ZCCHC17: variants seen among roughly 807,000 people sequenced by gnomAD.
The protein encoded by ZCCHC17 is zinc finger CCHC domain-containing protein 17.
ZCCHC17 carries 18 observed loss-of-function variants against 30.6 expected under a neutral mutation model. That is an observed-to-expected ratio of 0.59 (90% confidence interval 0.41 to 0.87). ZCCHC17 has a LOEUF of 0.87. ZCCHC17 is among the 40% of genes least tolerant of loss of function. The probability of loss-of-function intolerance (pLI) is 0.00; values close to 1 mark genes in which losing one functional copy is unlikely to be tolerated. For missense variants in ZCCHC17, 263 were observed against 284.2 expected, an observed-to-expected ratio of 0.93 and a Z score of 0.54; for synonymous variants, 88 against 92.4, an observed-to-expected ratio of 0.95 and a Z score of 0.27.
At chr1:31,362,350 GCTCT>G (rs1322694276) in intron 7 of ZCCHC17, among the ~76,000 whole-genome samples, 1 of 152,158 alleles carries the variant, frequency 6.6e-6, no homozygotes, top group Non-Finnish European at 1.5e-5. Flanking sequence ...ATCCTTTTCT[GCTCT>G]CTTTCTCCTC....
At chr1:31,352,678 C>A (rs1378667818) in intron 7 of ZCCHC17, among the ~76,000 whole-genome samples, 3 of 152,108 alleles carry the variant, frequency 2.0e-5, no homozygotes, top group Non-Finnish European at 4.4e-5. Flanking sequence ...AACTCCTGGC[C>A]TCAAGCAGTC....
chr1:31,322,849 G>C (rs1646891855), intron 3 of ZCCHC17, among the ~76,000 whole-genome samples: 1 of 152,016 alleles, frequency 6.6e-6, no homozygotes, highest in Non-Finnish European at 1.5e-5. Context: ...AGCCTCCTGA[G>C]TAGCTGGGAC....
intron 3 of ZCCHC17, among the ~76,000 whole-genome samples, chr1:31,332,649 T>C (rs1638636973): frequency 1.3e-5 from 2 of 152,192 alleles, no homozygotes; most frequent in East Asian, 3.9e-4. Flanking sequence ...CATTTTGGTG[T>C]ATTTCTTTTT....
intron 3 of ZCCHC17, among the ~76,000 whole-genome samples, chr1:31,323,088 C>G (rs1039567508): frequency 6.6e-6 from 1 of 152,060 alleles, no homozygotes; most frequent in African/African-American, 2.4e-5. Flanking sequence ...ATCTAGGGAC[C>G]CACAGTAGTC....
chr1:31,364,216 G>T lies in ZCCHC17; in HGVS notation c.*23G>T, dbSNP rs1263973304. On this transcript the variant is annotated 3_prime_UTR_variant, in exon 8 of 8. Transcript: ENST00000344147. ...TGAGAGTATAAAGAGTGTAGGGGGT[G>T]GTTGAGAGTAAGAAACCAGGAGCCT... 7.5e-6 allele frequency: 12 copies of T among 1,597,302 alleles called. No homozygotes were observed. The highest frequency in any genetic ancestry group is 1.0e-5 in the Non-Finnish European group (12 of 1,173,962).
chr1:31,299,010 GA>G (rs1646240214), intron 1 of ZCCHC17, among the ~76,000 whole-genome samples: 1 of 152,146 alleles, frequency 6.6e-6, no homozygotes, highest in East Asian at 1.9e-4. Context: ...CATGAAGATT[GA>G]AAAACATATT....
chr1:31,324,117 G>A (rs569981271), intron 3 of ZCCHC17, among the ~76,000 whole-genome samples: 5 of 152,292 alleles, frequency 3.3e-5, no homozygotes, highest in African/African-American at 1.2e-4. Flanking sequence ...CAATTTCAGA[G>A]AGATTAAAGT....
At chr1:31,332,397 T>C (rs1638627864) in intron 3 of ZCCHC17, among the ~76,000 whole-genome samples, 1 of 152,232 alleles carries the variant, frequency 6.6e-6, no homozygotes, top group Non-Finnish European at 1.5e-5. Context: ...AAGCCATTAA[T>C]GTCTCAACTT....
intron 3 of ZCCHC17, among the ~76,000 whole-genome samples, chr1:31,328,473 A>G (rs1638446203): frequency 1.3e-5 from 2 of 152,104 alleles, no homozygotes; most frequent in South Asian, 4.1e-4. Flanking sequence ...ATGCCACTGC[A>G]CTCCAGCCTG....
At chr1:31,320,266 AAGGT>A (rs1227555545) in intron 3 of ZCCHC17, among the ~76,000 whole-genome samples, 1 of 152,192 alleles carries the variant, frequency 6.6e-6, no homozygotes. Flanking sequence ...CTAATCTCAA[AAGGT>A]TATACACTTT....
At chr1:31,319,228 C>A in intron 3 of ZCCHC17, 62 bp downstream of exon 3, 1 of 1,372,520 alleles carries the variant, frequency 7.3e-7, no homozygotes, top group Admixed American at 1.8e-5. Flanking sequence ...ACTCCACCAC[C>A]TCCTAATTAT....
At chr1:31,323,133 A>G (rs1236808782) in intron 3 of ZCCHC17, among the ~76,000 whole-genome samples, 1 of 152,270 alleles carries the variant, frequency 6.6e-6, no homozygotes. Flanking sequence ...AACAAAAGAC[A>G]CTTCTATCAC....
intron 1 of ZCCHC17, among the ~76,000 whole-genome samples, chr1:31,305,706 T>G (rs1338245621): frequency 6.6e-6 from 1 of 152,176 alleles, no homozygotes; most frequent in Non-Finnish European, 1.5e-5. Context: ...CCTTCCAAAG[T>G]GCTGGAATTA....
rs36008834 is a variant in ZCCHC17 at position 31,339,960 on chromosome 1, C to CTTTTTTTTTT, written c.317+927_317+936dup. On this transcript the variant is annotated intron_variant, in intron 5 of 7. Transcript: ENST00000344147. Reference sequence around the variant, plus strand: ...TCTGTCTCAAGTCTTTCTTGGATTTCTTTTTTTTTTTTTTTTTTTTTTTTG... The same window carrying CTTTTTTTTTT: ...TCTGTCTCAAGTCTTTCTTGGATTTCTTTTTTTTTTTTTTTTTTTTTTTTTTTTTTTTTTG... 1.6e-3 allele frequency among the ~76,000 whole-genome samples: 146 copies of CTTTTTTTTTT among 90,412 alleles called. 11 individuals are homozygous for CTTTTTTTTTT. The highest frequency in any genetic ancestry group is 2.5e-3 in the Non-Finnish European group (112 of 44,904). The allele number at this position is 90,412 out of a possible 152,430, so 59.3% of individuals were successfully genotyped here.
rs192920646 is a variant in ZCCHC17, at chr1:31,351,321, A to G, written c.564+2347A>G. On this transcript the variant is annotated intron_variant, in intron 7 of 7. Coordinates refer to ENST00000344147, the MANE Select transcript of ZCCHC17 (RefSeq NM_016505.4). ...ATTCCCATTCCCACTGCTACTGTAC[A>G]GTTTATCCCCTCACTTCTCTTACAG... Among the ~76,000 whole-genome samples the G allele has an allele frequency of 2.1e-4, 32 of 152,274 alleles. No homozygotes were observed. The East Asian group carries it at 6.2e-3, about 29-fold the overall frequency.
At chr1:31,340,747 A>G (rs1426515875) in intron 5 of ZCCHC17, among the ~76,000 whole-genome samples, 2 of 152,186 alleles carry the variant, frequency 1.3e-5, no homozygotes, top group Non-Finnish European at 2.9e-5. Flanking sequence ...TCTTATGTTA[A>G]TTAGGTACGC....
chr1:31,313,197 G>A (rs1362109310), intron 2 of ZCCHC17, among the ~76,000 whole-genome samples: 10 of 149,098 alleles, frequency 6.7e-5, no homozygotes, highest in African/African-American at 2.5e-4. Context: ...CTCCCACTCA[G>A]CCCCCGAGGT....
At chr1:31,316,344 C>T (rs1646732560) in intron 2 of ZCCHC17, among the ~76,000 whole-genome samples, 1 of 152,138 alleles carries the variant, frequency 6.6e-6, no homozygotes, top group African/African-American at 2.4e-5. Flanking sequence ...TCAAGTGATC[C>T]ACCTGCCTCA....
At chr1:31,334,331 CTCTCTCTGTGTGTGTGTGTGTG>C (rs1369216799) in intron 3 of ZCCHC17, among the ~76,000 whole-genome samples, 8 of 61,224 alleles carry the variant, frequency 1.3e-4, no homozygotes, top group African/African-American at 5.5e-4. Context: ...CTCTCTCTCT[CTCTCTCTGTGTGTGTGTGTGTG>C]TGTGTGTGTG....
Sources: gnomAD v4.1 joint callset for allele counts (sites outside exome capture counted in the v4.1 genomes callset) on GRCh38, gnomAD v4.1.1 for gene constraint, MANE v1.5 for transcripts, NCBI Gene and HGNC (gene_info 2026-07-23, HGNC 2026-07-21) for gene names.